The following GADL1 variants were observed in gnomAD, a reference collection of about 807,000 sequenced individuals.
GADL1 encodes the protein acidic amino acid decarboxylase GADL1.
GADL1 carries 71 observed loss-of-function variants against 69.5 expected under a neutral mutation model. That is an observed-to-expected ratio of 1.02 (90% CI 0.84 to 1.25). GADL1 has a LOEUF of 1.25. Ranked by LOEUF, GADL1 falls within the 50% of genes most tolerant of loss-of-function variation. GADL1 has a pLI of 0.00. For missense variants in GADL1, 737 were observed against 631.8 expected (o/e 1.17, Z -1.79); for synonymous variants, 254 against 214.4 (o/e 1.18, Z -1.62).
intron 14 of GADL1, among the ~76,000 whole-genome samples, chr3:30,768,203 T>A (rs1011468008): frequency 1.3e-5 from 2 of 152,186 alleles, no homozygotes; most frequent in African/African-American, 4.8e-5. Flanking sequence ...AATTACATTT[T>A]GAGCACTTTA....
intron 14 of GADL1, among the ~76,000 whole-genome samples, chr3:30,763,188 C>A (rs1367552754): frequency 2.6e-5 from 4 of 152,024 alleles, no homozygotes; most frequent in Non-Finnish European, 4.4e-5. Context: ...GGTTACATAC[C>A]CATGATCCCA....
chr3:30,839,802 G>C (rs1230623244), intron 8 of GADL1, among the ~76,000 whole-genome samples: 2 of 152,092 alleles, frequency 1.3e-5, no homozygotes, highest in Non-Finnish European at 2.9e-5. Flanking sequence ...GCATGAACGG[G>C]TACTGGTGGG....
chr3:30,806,336 C>T, intron 11 of GADL1, among the ~76,000 whole-genome samples: 1 of 152,106 alleles, frequency 6.6e-6, no homozygotes, highest in East Asian at 1.9e-4. Flanking sequence ...CCTCGGTATA[C>T]AAGCCCATGA....
At chr3:30,776,085 G>GGAA (rs374539450) in intron 14 of GADL1, among the ~76,000 whole-genome samples, 51 of 148,098 alleles carry the variant, frequency 3.4e-4, no homozygotes, top group African/African-American at 1.2e-3. Flanking sequence ...CTCCGTCTTG[G>GGAA]AAAAAAAAAA....
chr3:30,769,925 T>C (rs901767424), intron 14 of GADL1, among the ~76,000 whole-genome samples: 1 of 44,800 alleles, frequency 2.2e-5, no homozygotes, highest in Non-Finnish European at 3.8e-5. Flanking sequence ...AATCAAGGAC[T>C]GACGAATTTA....
At chr3:30,829,654 C>G (rs1040463979) in intron 11 of GADL1, among the ~76,000 whole-genome samples, 18 of 151,854 alleles carry the variant, frequency 1.2e-4, no homozygotes, top group African/African-American at 3.9e-4. Context: ...TTAGTTACTG[C>G]TGACATGAAG....
intron 12 of GADL1, among the ~76,000 whole-genome samples, chr3:30,788,144 C>T (rs554395827): frequency 3.0e-4 from 46 of 152,302 alleles, no homozygotes; most frequent in Non-Finnish European, 5.9e-4. Flanking sequence ...CCATCTATCA[C>T]ACTGGCTAGC....
intron 9 of GADL1, among the ~76,000 whole-genome samples, chr3:30,836,527 A>G (rs1170494065): frequency 6.6e-6 from 1 of 152,102 alleles, no homozygotes; most frequent in East Asian, 1.9e-4. Flanking sequence ...CATCTCAATA[A>G]AGACTGTCAT....
chr3:30,780,764 T>TGC (rs1696649037), intron 13 of GADL1, among the ~76,000 whole-genome samples: 1 of 152,226 alleles, frequency 6.6e-6, no homozygotes, highest in Admixed American at 6.5e-5. Flanking sequence ...ATGGCTTCAG[T>TGC]GCTACAACAT....
intron 1 of GADL1, among the ~76,000 whole-genome samples, chr3:30,890,674 G>A (rs1698774447): frequency 6.6e-6 from 1 of 152,194 alleles, no homozygotes; most frequent in South Asian, 2.1e-4. Flanking sequence ...TGTATAGAGT[G>A]TGGGGTAATC....
At chr3:30,753,197 A>C (rs1203658086) in intron 14 of GADL1, among the ~76,000 whole-genome samples, 4 of 152,140 alleles carry the variant, frequency 2.6e-5, no homozygotes, top group Non-Finnish European at 5.9e-5. Flanking sequence ...CCCACCCCTG[A>C]CTGCAGGCAA....
intron 11 of GADL1, among the ~76,000 whole-genome samples, chr3:30,804,539 T>C (rs57662062): frequency 0.057 from 8,432 of 147,938 alleles, 788 homozygotes; most frequent in African/African-American, 0.2. Flanking sequence ...GATATCTCCC[T>C]TTATCTGACC....
chr3:30,805,375 G>C (rs1697231577), intron 11 of GADL1, among the ~76,000 whole-genome samples: 1 of 152,164 alleles, frequency 6.6e-6, no homozygotes, highest in Non-Finnish European at 1.5e-5. Context: ...TCCATTTGGA[G>C]AGGCTGGTGA....
At chr3:30,844,150 C>G in intron 8 of GADL1, 60 bp downstream of exon 8, 2 of 1,310,568 alleles carry the variant, frequency 1.5e-6, no homozygotes, top group Non-Finnish European at 2.1e-6. Context: ...CTTTCATAAG[C>G]GCGCGGGCGT....
intron 14 of GADL1, among the ~76,000 whole-genome samples, chr3:30,752,491 G>A (rs889563114): frequency 6.6e-5 from 10 of 152,082 alleles, no homozygotes; most frequent in African/African-American, 2.4e-4. Flanking sequence ...CTATAAATTT[G>A]GGATAGCCCT....
chr3:30,817,444 C>T (rs906106799), intron 11 of GADL1, among the ~76,000 whole-genome samples: 2 of 152,154 alleles, frequency 1.3e-5, no homozygotes, highest in African/African-American at 4.8e-5. Context: ...AACTCTACTT[C>T]CCTAGAGATT....
intron 2 of GADL1, among the ~76,000 whole-genome samples, chr3:30,859,941 C>T (rs981297585): frequency 7.2e-5 from 11 of 151,818 alleles, no homozygotes; most frequent in African/African-American, 2.7e-4. Flanking sequence ...TAAGATCTTC[C>T]GTTTCTCATC....
Position 30,844,211 on chromosome 3 carries a change from T to A in GADL1, c.785A>T (p.Glu262Val). Reference protein sequence around the residue: ...LEKQVWQARKEGAAPFLVCAT... With the variant: ...LEKQVWQARKVGAAPFLVCAT... ...CCCTCTCGCTTTCTCCCCTCTCACC[T>A]CTTTTCTGGCTTGCCAGACTTGCTT... is the stretch of plus-strand genomic sequence containing the variant. The change falls in exon 8 of 15, where the codon GAG (glutamate) becomes GTG (valine). Residue 262 changes from glutamate to valine, a missense_variant and splice_region_variant. Transcript: ENST00000282538. 6.2e-7 allele frequency: 1 copy of A among 1,612,282 alleles called. No homozygotes were observed.
intron 1 of GADL1, among the ~76,000 whole-genome samples, chr3:30,876,954 C>A (rs950497400): frequency 1.3e-5 from 2 of 151,882 alleles, no homozygotes; most frequent in Admixed American, 6.6e-5. Flanking sequence ...AACTAACTAA[C>A]CACACTCTAA....
Sources: allele counts gnomAD v4.1 joint callset (sites outside exome capture counted in the v4.1 genomes callset), GRCh38; gene constraint gnomAD v4.1.1; transcripts MANE v1.5; gene names NCBI Gene and HGNC (gene_info 2026-07-23, HGNC 2026-07-21).